DHX9: variants seen among roughly 807,000 people sequenced by gnomAD.
DHX9 encodes the protein DExH-box helicase 9.
A neutral mutation model predicts 148.7 loss-of-function variants in DHX9; 27 were observed. The ratio of observed to expected loss-of-function variants is 0.18; its 90% CI spans 0.13 to 0.25. The LOEUF (loss-of-function observed/expected upper bound fraction) is 0.25, where lower values mean the gene tolerates loss of function less well. Ranked by LOEUF, DHX9 falls within the 10% of genes least tolerant of loss-of-function variation. The probability of loss-of-function intolerance (pLI) is 1.00; values close to 1 mark genes in which losing one functional copy is unlikely to be tolerated. For missense variants in DHX9, 796 were observed against 1,559.6 expected (o/e 0.51, Z 8.25); for synonymous variants, 529 against 516.6 (o/e 1.02, Z -0.33).
At chr1:182,871,319 A>G (rs1648545505) in intron 14 of DHX9, among the ~76,000 whole-genome samples, 1 of 152,240 alleles carries the variant, frequency 6.6e-6, no homozygotes, top group Non-Finnish European at 1.5e-5. Context: ...GTATAGATCT[A>G]GATCACAACA....
At position 182,853,304 on chromosome 1, in the gene DHX9, A is replaced by G; in HGVS notation, c.365-2A>G. 1 of 1,600,216 alleles carries G rather than the reference A, an allele frequency of 6.2e-7. No individual in the cohort carries two copies. Among genetic ancestry groups the G allele is most frequent in the South Asian group, 1.1e-5 (1 of 89,344 alleles). On this transcript the variant is annotated splice_acceptor_variant, in intron 4 of 27. Coordinates refer to ENST00000367549, the MANE Select transcript of DHX9 (RefSeq NM_001357.5). LOFTEE classifies it high-confidence loss of function. Reference sequence around the variant, plus strand: ...TTAAGAGAATTTTTTTTCTTTTAACAGAAAATAATTCTGAGGTAGGGGCCT... The same window carrying G: ...TTAAGAGAATTTTTTTTCTTTTAACGGAAAATAATTCTGAGGTAGGGGCCT...
rs796400483 is a variant in DHX9 at position 182,879,635 on chromosome 1, GAA to G, written c.2512+228_2512+229del. Among the ~76,000 whole-genome samples the G allele has an allele frequency of 3.6e-4, 55 of 152,210 alleles. 1 individual carries two copies. The highest frequency in any genetic ancestry group is 1.3e-3 in the African/African-American group (53 of 41,516). On this transcript the variant is annotated intron_variant, in intron 21 of 27. Coordinates refer to ENST00000367549, the MANE Select transcript of DHX9 (RefSeq NM_001357.5). ...CAATGTGAGTCTTTAAAAAAGAAAA[GAA>G]AACTTAAAAAGGCATCTCTTAACTA...
chr1:182,884,647 T>C lies in DHX9; in HGVS notation c.3295T>C (p.Cys1099Arg). The change falls in exon 27 of 28, where the codon TGT becomes CGT. Residue 1099 changes from cysteine (C) to arginine (R), a missense_variant. This residue lies in a region of DHX9 where 86 missense variants were observed against 156.3 expected (regional missense o/e 0.55). Coordinates refer to ENST00000367549, the MANE Select transcript of DHX9 (RefSeq NM_001357.5). ...KLQISHEAAA[C>R]ITGLRAAMEA... is the part of the protein sequence containing the mutation. ...GCAAATATCTCATGAAGCTGCTGCCTGTATCACTGGTCTCCGGGCAGCCAT... is the reference window on the plus strand; with the variant it reads ...GCAAATATCTCATGAAGCTGCTGCCCGTATCACTGGTCTCCGGGCAGCCAT... 1 of 1,614,244 alleles carries C rather than the reference T, an allele frequency of 6.2e-7. No homozygotes were observed.
In DHX9 at chr1:182,856,284, T is replaced by C. The variant is rs535646920; in HGVS notation, c.627-248T>C. ...AAGAGTAAGTAAATATAAAATCTAA[T>C]ACCCTAACGTTTTCCTTTCATGAAC... is the stretch of plus-strand genomic sequence containing the variant. On this transcript the variant is annotated intron_variant, in intron 6 of 27. Transcript: ENST00000367549. 3.3e-5 allele frequency among the ~76,000 whole-genome samples: 5 copies of C among 152,362 alleles called. No homozygotes were observed. The South Asian group carries it at 8.3e-4, about 25-fold the overall frequency.
chr1:182,859,896 G>A (rs1407966533), intron 11 of DHX9, 97 bp from the exon 12 acceptor site: 9 of 1,225,678 alleles, frequency 7.3e-6, no homozygotes, highest in Middle Eastern at 2.9e-4. Context: ...GAGCCACCGC[G>A]CCCAGTCTAT....
At chr1:182,885,267 A>G (rs1443474641) in intron 27 of DHX9, among the ~76,000 whole-genome samples, 2 of 152,220 alleles carry the variant, frequency 1.3e-5, no homozygotes, top group East Asian at 3.8e-4. Context: ...ATTTATCTTA[A>G]TTCTTAAAAT....
chr1:182,859,699 G>A (rs774603950), intron 11 of DHX9, among the ~76,000 whole-genome samples: 4 of 151,814 alleles, frequency 2.6e-5, no homozygotes, highest in Non-Finnish European at 4.4e-5. Flanking sequence ...TGCACCCTCC[G>A]CCTCCTTGGT....
At chr1:182,874,620 T>A (rs12024142) in intron 15 of DHX9, among the ~76,000 whole-genome samples, 8,428 of 152,266 alleles carry the variant, frequency 0.055, 400 homozygotes, top group East Asian at 0.16. Flanking sequence ...ATACCCCAAC[T>A]GGCTCTGGGA....
At chr1:182,879,666 A>G (rs1649000137) in intron 21 of DHX9, among the ~76,000 whole-genome samples, 1 of 152,256 alleles carries the variant, frequency 6.6e-6, no homozygotes, top group African/African-American at 2.4e-5. Context: ...TTAACTATGT[A>G]CTAAAGATCA....
In DHX9 at chr1:182,884,710, A is replaced by G. The variant is rs755699104; in HGVS notation, c.3358A>G (p.Ile1120Val). 3.7e-6 allele frequency: 6 copies of G among 1,614,058 alleles called. No homozygotes were observed. Among genetic ancestry groups the G allele is most frequent in the East Asian group, 2.2e-5 (1 of 44,894 alleles). ...LVVEVTKQPA[I>V]ISQLDPVNER... ...TGTTGAAGTAACCAAACAACCTGCT[A>G]TCATCAGCCAGTTGGACCCCGTAAA... The change falls in exon 27 of 28, where the codon ATC becomes GTC. Residue 1120 changes from isoleucine to valine, a missense_variant. Physicochemically the swap from Ile to Val is conservative, Grantham distance 29. Around this residue, in one of 14 missense-constraint regions of DHX9, gnomAD observed 86 missense variants for 156.3 expected, o/e 0.55. Coordinates refer to ENST00000367549, the MANE Select transcript of DHX9 (RefSeq NM_001357.5).
Position 182,883,647 on chromosome 1 carries a change from CA to C in DHX9, c.3260+13del, listed in dbSNP as rs749221405. On this transcript the variant is annotated intron_variant, in intron 26 of 27. Transcript: ENST00000367549. The stretch of plus-strand genomic sequence containing the variant: ...CTTGTAGATGACTGGTATGGATTTT[CA>C]GATGTGAACTCCAAACTGAATTCTT... The C allele has an allele frequency of 3.3e-5, 52 of 1,563,778 alleles. No individual in the cohort carries two copies. The highest frequency in any genetic ancestry group is 4.5e-5 in the Non-Finnish European group (51 of 1,135,234).
At chr1:182,850,106 G>C (rs917399537) in intron 3 of DHX9, among the ~76,000 whole-genome samples, 1 of 150,170 alleles carries the variant, frequency 6.7e-6, no homozygotes, top group Non-Finnish European at 1.5e-5. Flanking sequence ...GTCTCTGACT[G>C]CTCCTTAATT....
At chr1:182,842,157 CCCACCA>C (rs1370040506) in intron 1 of DHX9, among the ~76,000 whole-genome samples, 11 of 152,188 alleles carry the variant, frequency 7.2e-5, no homozygotes, top group African/African-American at 2.6e-4. Context: ...AATGATAGTA[CCCACCA>C]TATCTGTGTG....
intron 3 of DHX9, among the ~76,000 whole-genome samples, chr1:182,849,524 A>G (rs1668093614): frequency 6.6e-6 from 1 of 152,200 alleles, no homozygotes; most frequent in Non-Finnish European, 1.5e-5. Flanking sequence ...AGATGTTTGA[A>G]CTTGAAGGAG....
At chr1:182,868,520 C>CTTTTTTCTTTTTTTTTTTTTT (rs1648401156) in intron 14 of DHX9, among the ~76,000 whole-genome samples, 1 of 127,522 alleles carries the variant, frequency 7.8e-6, no homozygotes, top group African/African-American at 3.6e-5. Context: ...ATTTTAATTC[C>CTTTTTTCTTTTTTTTTTTTTT]TTTTTTTTTT....
At chr1:182,866,386 TA>T in intron 12 of DHX9, 57 bp from the exon 13 acceptor site, 2 of 1,564,628 alleles carry the variant, frequency 1.3e-6, no homozygotes, top group Non-Finnish European at 1.7e-6. Context: ...AAAATGCTAA[TA>T]AACAAGTATA....
chr1:182,858,964 T>C, intron 10 of DHX9, 70 bp downstream of exon 10: 1 of 1,610,436 alleles, frequency 6.2e-7, no homozygotes. Context: ...GATTAGTATG[T>C]CTAGGTAAAA....
In DHX9 at chr1:182,852,357, A is replaced by C. The variant is rs1557966707; in HGVS notation, c.364+13A>C. 2 of 1,556,944 alleles carry C rather than the reference A, an allele frequency of 1.3e-6. No homozygotes were observed. Among genetic ancestry groups the C allele is most frequent in the East Asian group, 2.3e-5 (1 of 44,354 alleles). Reference sequence around the variant, plus strand: ...GCTCTCAAAGCAGGTAAGGGACTTGAATCCATGCACGTGGTGGAGAATAAG... The same window carrying C: ...GCTCTCAAAGCAGGTAAGGGACTTGCATCCATGCACGTGGTGGAGAATAAG... On this transcript the variant is annotated intron_variant, in intron 4 of 27. Transcript: ENST00000367549.
intron 3 of DHX9, among the ~76,000 whole-genome samples, chr1:182,851,883 C>CT (rs1218934606): frequency 2.6e-5 from 4 of 152,128 alleles, no homozygotes; most frequent in Admixed American, 2.6e-4. Flanking sequence ...TAGAAAGATA[C>CT]TTTTTTGACT....
Sources: gnomAD v4.1 joint callset for allele counts (sites outside exome capture counted in the v4.1 genomes callset) on GRCh38, gnomAD v4.1.1 for gene constraint, gnomAD v4.1.1 regional missense constraint, MANE v1.5 for transcripts, NCBI Gene and HGNC (gene_info 2026-07-23, HGNC 2026-07-21) for gene names.